Variants in KIAA1217 observed in about 807,000 individuals in gnomAD.
KIAA1217 encodes the protein sickle tail protein homolog.
Under a neutral mutation model 163.9 loss-of-function variants are expected in KIAA1217, and 88 were observed. That is an observed-to-expected ratio of 0.54 (90% CI 0.45 to 0.64). The LOEUF (loss-of-function observed/expected upper bound fraction) is 0.64. Among genes scored for constraint, KIAA1217 ranks in the 30% least tolerant of loss-of-function variants. The probability of loss-of-function intolerance (pLI) is 0.00; values close to 1 mark genes in which losing one functional copy is unlikely to be tolerated. For synonymous variants in KIAA1217, 903 were observed against 923.1 expected (o/e 0.98, Z 0.39); for missense variants, 2,372 against 2,475.0 (o/e 0.96, Z 0.88).
Position 23,913,956 on chromosome 10 carries a change from C to G in KIAA1217, c.-320-93269C>G, listed in dbSNP as rs979170860. ...CTACGTAACCAGCATGTACCTGGAC[C>G]CTCCCTGGAGCCAGGTGGCTCCTAG... On this transcript the variant is annotated intron_variant, in intron 1 of 18. Transcript: ENST00000376462. 3.9e-5 allele frequency among the ~76,000 whole-genome samples: 6 copies of G among 152,070 alleles called. No individual in the cohort carries two copies. In the South Asian group the frequency reaches 8.3e-4, roughly 21 times the overall value.
At chr10:24,132,360 T>C (rs2063684713) in intron 2 of KIAA1217, among the ~76,000 whole-genome samples, 1 of 152,172 alleles carries the variant, frequency 6.6e-6, no homozygotes, top group Admixed American at 6.6e-5. Flanking sequence ...TGTGAAAAAA[T>C]AGCCCTGTGG....
chr10:23,965,873 G>C (rs1109901), intron 1 of KIAA1217, among the ~76,000 whole-genome samples: 64,395 of 152,062 alleles, frequency 0.42, 16,805 homozygotes, highest in African/African-American at 0.74. Context: ...ACCTTAACAT[G>C]TTTAAAATGC....
At chr10:24,373,813 T>A (rs765633181) in intron 2 of KIAA1217, among the ~76,000 whole-genome samples, 1 of 152,216 alleles carries the variant, frequency 6.6e-6, no homozygotes, top group African/African-American at 2.4e-5. Context: ...ACACAGAGGA[T>A]GCCTCAGTGC....
chr10:24,199,340 A>G (rs1223471342), intron 2 of KIAA1217, among the ~76,000 whole-genome samples: 1 of 152,242 alleles, frequency 6.6e-6, no homozygotes, highest in Non-Finnish European at 1.5e-5. Flanking sequence ...CCAGAATCTA[A>G]CAATAATATA....
chr10:24,325,726 T>C (rs2044786479), intron 2 of KIAA1217, among the ~76,000 whole-genome samples: 1 of 152,074 alleles, frequency 6.6e-6, no homozygotes. Flanking sequence ...TGGTATGTAA[T>C]GGGGTGGAAG....
At chr10:24,123,035 C>A (rs1224564590) in intron 2 of KIAA1217, among the ~76,000 whole-genome samples, 1 of 151,686 alleles carries the variant, frequency 6.6e-6, no homozygotes, top group Non-Finnish European at 1.5e-5. Flanking sequence ...AAGTACAATT[C>A]TTTTCTCTCC....
At chr10:24,396,513 A>G (rs1313891933) in intron 3 of KIAA1217, among the ~76,000 whole-genome samples, 2 of 152,166 alleles carry the variant, frequency 1.3e-5, no homozygotes, top group African/African-American at 2.4e-5. Context: ...AAGCAGGAGA[A>G]GGGATACAGA....
intron 2 of KIAA1217, among the ~76,000 whole-genome samples, chr10:24,270,899 A>G (rs72774835): frequency 0.073 from 11,155 of 152,142 alleles, 583 homozygotes; most frequent in Non-Finnish European, 0.11. Flanking sequence ...GTGTCCCCCC[A>G]CCTATATCAT....
Position 23,817,992 on chromosome 10 carries a change from T to TACAC in KIAA1217, c.-321+122759_-321+122760insCACA, listed in dbSNP as rs1381263730. The stretch of plus-strand genomic sequence containing the variant: ...ATATATATATATATATATATATATA[T>TACAC]ATATATATATATATATACACACATA... On this transcript the variant is annotated intron_variant, in intron 1 of 18. Coordinates refer to the KIAA1217 transcript ENST00000376462. 4.1e-4 allele frequency among the ~76,000 whole-genome samples: 47 copies of TACAC among 114,796 alleles called. 4 individuals are homozygous for TACAC. The East Asian group carries it at 7.3e-3, about 18-fold the overall frequency. 75.3% of individuals were successfully genotyped at this position (114,796 alleles called of 152,430 possible).
At chr10:24,097,176 T>C (rs1389000282) in intron 2 of KIAA1217, among the ~76,000 whole-genome samples, 2 of 152,136 alleles carry the variant, frequency 1.3e-5, no homozygotes, top group African/African-American at 4.8e-5. Context: ...TGGATTAGAA[T>C]GGTGACAATA....
intron 2 of KIAA1217, among the ~76,000 whole-genome samples, chr10:24,305,603 TAGTC>T (rs2041920396): frequency 1.3e-5 from 2 of 152,336 alleles, no homozygotes; most frequent in South Asian, 4.1e-4. Flanking sequence ...TGAGCAAAGA[TAGTC>T]AGCTTGAGCG....
chr10:24,170,536 C>T (rs774682188), intron 2 of KIAA1217, among the ~76,000 whole-genome samples: 20 of 152,170 alleles, frequency 1.3e-4, no homozygotes, highest in Admixed American at 2.0e-4. Flanking sequence ...CACCCCACTA[C>T]GAAGGCCAAG....
intron 1 of KIAA1217, among the ~76,000 whole-genome samples, chr10:23,872,493 G>A (rs1014613821): frequency 6.6e-6 from 1 of 152,018 alleles, no homozygotes; most frequent in Non-Finnish European, 1.5e-5. Flanking sequence ...TGCATCACAC[G>A]AGCCTTGCCA....
intron 1 of KIAA1217, among the ~76,000 whole-genome samples, chr10:24,213,848 A>AT (rs769000850): frequency 4.6e-5 from 7 of 152,110 alleles, no homozygotes; most frequent in Non-Finnish European, 7.4e-5. Flanking sequence ...TTCAGCTGTA[A>AT]TTTCTGTGCT....
intron 1 of KIAA1217, among the ~76,000 whole-genome samples, chr10:23,792,667 T>A (rs1045275547): frequency 1.4e-4 from 20 of 146,502 alleles, no homozygotes; most frequent in Admixed American, 1.3e-3. Context: ...TAATTTTTTG[T>A]ATTTTTTTTT....
intron 1 of KIAA1217, among the ~76,000 whole-genome samples, chr10:23,890,593 A>T (rs924387321): frequency 3.3e-5 from 5 of 151,944 alleles, no homozygotes; most frequent in Admixed American, 6.6e-5. Context: ...ATTTAACTTT[A>T]CTATGATAAG....
chr10:24,501,097 A>ACG (rs2067523002), intron 8 of KIAA1217, among the ~76,000 whole-genome samples: 1 of 89,226 alleles, frequency 1.1e-5, no homozygotes, highest in Non-Finnish European at 2.3e-5. Context: ...TAAAAAAAAA[A>ACG]TAAACAAAAT....
intron 8 of KIAA1217, among the ~76,000 whole-genome samples, chr10:24,496,059 A>G (rs1411147327): frequency 1.3e-5 from 2 of 152,260 alleles, no homozygotes; most frequent in Admixed American, 6.5e-5. Context: ...ACATTCAGAT[A>G]CTAAATTACA....
intron 1 of KIAA1217, among the ~76,000 whole-genome samples, chr10:23,845,163 G>A (rs1838964870): frequency 6.6e-6 from 1 of 152,184 alleles, no homozygotes; most frequent in Non-Finnish European, 1.5e-5. Context: ...TTGGTTCCAA[G>A]TCTTTGCTAT....
Sources: allele counts gnomAD v4.1 joint callset (sites outside exome capture counted in the v4.1 genomes callset), GRCh38; gene constraint gnomAD v4.1.1; transcripts MANE v1.5; gene names NCBI Gene and HGNC (gene_info 2026-07-23, HGNC 2026-07-21).